MAST2: variants seen among roughly 807,000 people sequenced by gnomAD.
MAST2 encodes microtubule associated serine/threonine kinase 2, also known as microtubule-associated serine/threonine-protein kinase 2.
A neutral mutation model predicts 147.4 loss-of-function variants in MAST2; 70 were observed. The observed-to-expected ratio is 0.47, with a 90% CI of 0.39 to 0.58. The LOEUF (loss-of-function observed/expected upper bound fraction) is 0.58. Ranked by LOEUF, MAST2 falls within the 20% of genes least tolerant of loss-of-function variation. The probability of loss-of-function intolerance (pLI) is 0.00; values close to 1 mark genes in which losing one functional copy is unlikely to be tolerated. For synonymous variants in MAST2, 869 were observed against 896.8 expected (o/e 0.97, Z 0.55); for missense variants, 2,080 against 2,302.3 (o/e 0.90, Z 1.98).
intron 3 of MAST2, among the ~76,000 whole-genome samples, chr1:45,870,101 T>G (rs563766662): frequency 2.0e-5 from 3 of 152,256 alleles, no homozygotes; most frequent in East Asian, 1.9e-4. Flanking sequence ...TTTTTGTAGT[T>G]TTAGTAGAGA....
In MAST2 at chr1:45,877,134, T is replaced by C. The variant is rs1646641398; in HGVS notation, c.469-5230T>C. ...CATTTATTTTCTCACAGTCCTGGAGTCTGAGAAGTCCAAGATCAAGGTGTT... is the reference window on the plus strand; with the variant it reads ...CATTTATTTTCTCACAGTCCTGGAGCCTGAGAAGTCCAAGATCAAGGTGTT... On this transcript the variant is annotated intron_variant, in intron 3 of 28. Coordinates refer to ENST00000361297, the MANE Select transcript of MAST2 (RefSeq NM_015112.3). Among the ~76,000 whole-genome samples the C allele has an allele frequency of 2.0e-5, 3 of 152,286 alleles. 1 individual carries two copies. In the South Asian group the frequency reaches 6.2e-4, roughly 32 times the overall value.
intron 3 of MAST2, among the ~76,000 whole-genome samples, chr1:45,874,988 G>C (rs1230715555): frequency 2.0e-5 from 3 of 152,198 alleles, no homozygotes; most frequent in Non-Finnish European, 4.4e-5. Context: ...GAAGGTGAAA[G>C]AAAGCATGGC....
intron 4 of MAST2, among the ~76,000 whole-genome samples, chr1:45,903,578 T>A (rs1650170967): frequency 6.6e-6 from 1 of 152,240 alleles, no homozygotes. Context: ...AGCAAATTGT[T>A]TAGTTTCCAT....
intron 4 of MAST2, among the ~76,000 whole-genome samples, chr1:45,895,314 T>TA (rs572224057): frequency 1.8e-4 from 27 of 152,316 alleles, no homozygotes; most frequent in Admixed American, 9.2e-4. Context: ...GTTTTTTTTT[T>TA]ATGGGCATAT....
At chr1:46,014,587 T>A (rs1456039256) in intron 10 of MAST2, among the ~76,000 whole-genome samples, 1 of 151,980 alleles carries the variant, frequency 6.6e-6, no homozygotes, top group Non-Finnish European at 1.5e-5. Context: ...GTTGGACATT[T>A]GGGTTGGTTA....
chr1:45,809,514 G>A (rs986382866), intron 1 of MAST2, among the ~76,000 whole-genome samples: 4 of 152,078 alleles, frequency 2.6e-5, no homozygotes, highest in African/African-American at 4.8e-5. Flanking sequence ...TTGGTGGTGC[G>A]CGCCTGTGGG....
At chr1:45,885,358 T>C (rs1250101353) in intron 4 of MAST2, among the ~76,000 whole-genome samples, 1 of 152,224 alleles carries the variant, frequency 6.6e-6, no homozygotes, top group Non-Finnish European at 1.5e-5. Context: ...TTTGGTGTTC[T>C]TGTCCTTTGA....
chr1:45,896,525 A>G (rs1648759184), intron 4 of MAST2, among the ~76,000 whole-genome samples: 1 of 152,056 alleles, frequency 6.6e-6, no homozygotes, highest in Non-Finnish European at 1.5e-5. Context: ...TTTTTATGGA[A>G]GCTTCATGAA....
At chr1:45,904,736 G>A (rs953464404) in intron 4 of MAST2, among the ~76,000 whole-genome samples, 1 of 152,132 alleles carries the variant, frequency 6.6e-6, no homozygotes, top group African/African-American at 2.4e-5. Flanking sequence ...AGAGTGCTAG[G>A]ATTACAGGCA....
chr1:45,819,698 C>T (rs1391268230), intron 1 of MAST2, among the ~76,000 whole-genome samples: 1 of 151,880 alleles, frequency 6.6e-6, no homozygotes, highest in African/African-American at 2.4e-5. Context: ...TTGAAGAGGA[C>T]ATTAAAAAAA....
chr1:45,952,943 G>A (rs909643137), intron 4 of MAST2, among the ~76,000 whole-genome samples: 1 of 152,114 alleles, frequency 6.6e-6, no homozygotes, highest in Non-Finnish European at 1.5e-5. Flanking sequence ...GTAAATCTAA[G>A]CAAGCAATTA....
At chr1:46,016,382 A>C (rs1645940687) in intron 10 of MAST2, among the ~76,000 whole-genome samples, 1 of 152,078 alleles carries the variant, frequency 6.6e-6, no homozygotes, top group Admixed American at 6.6e-5. Flanking sequence ...GAAAAGAGGA[A>C]GTCAAATTGT....
intron 4 of MAST2, among the ~76,000 whole-genome samples, chr1:45,949,980 C>T (rs1243714926): frequency 6.6e-6 from 1 of 152,120 alleles, no homozygotes; most frequent in African/African-American, 2.4e-5. Flanking sequence ...AAACCAAATA[C>T]CGCATGTTCT....
intron 4 of MAST2, among the ~76,000 whole-genome samples, chr1:45,953,570 G>C (rs1449527939): frequency 4.0e-5 from 6 of 150,770 alleles, no homozygotes; most frequent in African/African-American, 1.5e-4. Flanking sequence ...ACAGAAAATT[G>C]GGAAGGTGAC....
At chr1:45,989,239 C>T (rs186531059) in intron 5 of MAST2, among the ~76,000 whole-genome samples, 3 of 152,284 alleles carry the variant, frequency 2.0e-5, no homozygotes, top group East Asian at 3.9e-4. Flanking sequence ...TAAATTTCCA[C>T]TCCAACAATG....
chr1:46,036,078 C>T lies in MAST2; in HGVS notation c.*12C>T, dbSNP rs904931024. ...TAAAGCAAACATAGCAGTTGTTTGC[C>T]ATTTCTTGCACTCAGACCTGTGTAA... On this transcript the variant is annotated 3_prime_UTR_variant, in exon 29 of 29. Transcript: ENST00000361297. The T allele has an allele frequency of 3.1e-6, 5 of 1,587,904 alleles. No homozygotes were observed. Among genetic ancestry groups the T allele is most frequent in the Non-Finnish European group, 4.3e-6 (5 of 1,166,374 alleles).
intron 15 of MAST2, chr1:46,024,224 T>C: frequency 2.0e-6 from 1 of 497,934 alleles, no homozygotes; most frequent in Non-Finnish European, 3.7e-6. Flanking sequence ...TATAGAATCT[T>C]GCACCCCAAA....
Position 45,987,777 on chromosome 1 carries a change from A to ATTTTTTTTTTTTTTTTTTTTTTTTTT in MAST2, c.593-9923_593-9922insTTTTTTTTTTTTTTTTTTTTTTTTTT. Among the ~76,000 whole-genome samples, 26 of 21,808 alleles carry ATTTTTTTTTTTTTTTTTTTTTTTTTT rather than the reference A, an allele frequency of 1.2e-3. 3 individuals carry two copies. Among genetic ancestry groups the ATTTTTTTTTTTTTTTTTTTTTTTTTT allele is most frequent in the South Asian group, 3.2e-3 (1 of 310 alleles). The allele number at this position is 21,808 out of a possible 152,430, so 14.3% of individuals were successfully genotyped here. On this transcript the variant is annotated intron_variant, in intron 5 of 28. Transcript: ENST00000361297. ...AGCATTTCTTGTTTTTTTTTTTTTG[A>ATTTTTTTTTTTTTTTTTTTTTTTTTT]TTTTTTTTTTTTTTTTTTTTTTTTG... is the stretch of plus-strand genomic sequence containing the variant.
chr1:46,029,227 G>A, intron 18 of MAST2: 1 of 551,314 alleles, frequency 1.8e-6, no homozygotes, highest in Non-Finnish European at 3.2e-6. Flanking sequence ...GTCTGTGTAT[G>A]TTTTGTGGAG....
Sources: gnomAD v4.1 joint callset for allele counts (sites outside exome capture counted in the v4.1 genomes callset) on GRCh38, gnomAD v4.1.1 for gene constraint, MANE v1.5 for transcripts, NCBI Gene and HGNC (gene_info 2026-07-23, HGNC 2026-07-21) for gene names.